ARHGAP21: variants seen among roughly 807,000 people sequenced by gnomAD.
ARHGAP21 encodes Rho GTPase activating protein 21, also known as rho GTPase-activating protein 21.
Under a neutral mutation model 164.6 loss-of-function variants are expected in ARHGAP21, and 38 were observed. That is an observed-to-expected ratio of 0.23 (90% CI 0.18 to 0.30). The LOEUF (loss-of-function observed/expected upper bound fraction) is 0.30. Among genes scored for constraint, ARHGAP21 ranks in the 10% least tolerant of loss-of-function variants. The pLI is 1.00. For synonymous variants in ARHGAP21, 766 were observed against 857.9 expected (o/e 0.89, Z 1.87); for missense variants, 1,822 against 2,370.7 (o/e 0.77, Z 4.81).
intron 2 of ARHGAP21, among the ~76,000 whole-genome samples, chr10:24,696,455 G>GA (rs1172342427): frequency 6.6e-6 from 1 of 152,186 alleles, no homozygotes; most frequent in Non-Finnish European, 1.5e-5. Flanking sequence ...CAATGAGTGG[G>GA]AAAAACCTCA....
intron 4 of ARHGAP21, among the ~76,000 whole-genome samples, chr10:24,658,649 T>G (rs1396870672): frequency 2.0e-5 from 3 of 151,626 alleles, no homozygotes. Context: ...GTACACAGGG[T>G]GGGAAACTTC....
At chr10:24,667,844 T>C (rs894873936) in intron 3 of ARHGAP21, among the ~76,000 whole-genome samples, 5 of 152,084 alleles carry the variant, frequency 3.3e-5, no homozygotes, top group African/African-American at 1.2e-4. Flanking sequence ...GTTATATTAA[T>C]TACACATTTT....
At chr10:24,627,346 G>A (rs1454333831) in intron 7 of ARHGAP21, among the ~76,000 whole-genome samples, 1 of 152,244 alleles carries the variant, frequency 6.6e-6, no homozygotes, top group South Asian at 2.1e-4. Context: ...TTTAAGATCT[G>A]CATAAGTACT....
At chr10:24,674,098 C>T (rs894552058) in intron 2 of ARHGAP21, among the ~76,000 whole-genome samples, 2 of 151,980 alleles carry the variant, frequency 1.3e-5, no homozygotes, top group East Asian at 1.9e-4. Flanking sequence ...CTCTGCTCTT[C>T]GAAAGACACT....
chr10:24,591,233 T>C lies in ARHGAP21; in HGVS notation c.4142A>G (p.Asp1381Gly), dbSNP rs777090942. The change falls in exon 24 of 26, where the codon GAT becomes GGT. Residue 1381 changes from aspartate to glycine, a missense_variant. Around this residue, in one of 5 missense-constraint regions of ARHGAP21, gnomAD observed 333 missense variants for 383.9 expected, o/e 0.87. Coordinates refer to ENST00000396432, the MANE Select transcript of ARHGAP21 (RefSeq NM_020824.4). ...GCCCAGGCAAGAGTTACCTGATACA[T>C]CTCCTGGGGAGACTCCTGTCCTTCC... ...NIGRTGVSPG[D>G]VSDSATSDST... 2 of 1,611,258 alleles carry C rather than the reference T, an allele frequency of 1.2e-6. No individual in the cohort carries two copies. Among genetic ancestry groups the C allele is most frequent in the Non-Finnish European group, 1.7e-6 (2 of 1,179,232 alleles).
intron 9 of ARHGAP21, among the ~76,000 whole-genome samples, chr10:24,617,546 T>C (rs1834075543): frequency 2.0e-5 from 3 of 152,138 alleles, no homozygotes; most frequent in Non-Finnish European, 4.4e-5. Context: ...GGTATAGATA[T>C]GAATATGGGT....
intron 4 of ARHGAP21, among the ~76,000 whole-genome samples, chr10:24,646,332 G>GA (rs201324587): frequency 2.7e-4 from 41 of 150,380 alleles, no homozygotes; most frequent in Admixed American, 9.3e-4. Flanking sequence ...TGGAGCAGCT[G>GA]AAAAAAAAAC....
Position 24,646,180 on chromosome 10 carries a change from A to C in ARHGAP21, c.269-11077T>G, listed in dbSNP as rs190499941. ...TATCTGTTAAACATCAAAAACAGGG[A>C]CTGTAACTATTATAATTAAATCTTT... On this transcript the variant is annotated intron_variant, in intron 4 of 25. Coordinates refer to ENST00000396432, the MANE Select transcript of ARHGAP21 (RefSeq NM_020824.4). 3.4e-3 allele frequency among the ~76,000 whole-genome samples: 512 copies of C among 152,344 alleles called. 3 individuals are homozygous for C. The highest frequency in any genetic ancestry group is 0.027 in the Middle Eastern group (8 of 294).
intron 4 of ARHGAP21, among the ~76,000 whole-genome samples, 195 bp downstream of exon 4, chr10:24,666,790 A>G (rs957397823): frequency 6.6e-6 from 1 of 152,234 alleles, no homozygotes; most frequent in Non-Finnish European, 1.5e-5. Context: ...ACATGTTCAA[A>G]TTAAGATGAG....
intron 2 of ARHGAP21, among the ~76,000 whole-genome samples, chr10:24,683,095 C>CAAAAA (rs200968718): frequency 1.1e-5 from 1 of 88,998 alleles, no homozygotes; most frequent in Non-Finnish European, 2.5e-5. Flanking sequence ...AACTCCATCT[C>CAAAAA]AAAAAAAAAA....
At position 24,619,217 on chromosome 10, in the gene ARHGAP21, T is replaced by C. The variant is rs533982002; in HGVS notation, c.2422+256A>G. Among the ~76,000 whole-genome samples, 7 of 152,168 alleles carry C rather than the reference T, an allele frequency of 4.6e-5. No homozygotes were observed. In the South Asian group the frequency reaches 1.5e-3, roughly 32 times the overall value. ...TCCTTAATCTCAGGAATTTGTTTCATCAAAATAAAAATTTGAAATGGGTAC... is the reference window on the plus strand; with the variant it reads ...TCCTTAATCTCAGGAATTTGTTTCACCAAAATAAAAATTTGAAATGGGTAC... On this transcript the variant is annotated intron_variant, in intron 9 of 25. Coordinates refer to ENST00000396432, the MANE Select transcript of ARHGAP21 (RefSeq NM_020824.4).
intron 4 of ARHGAP21, among the ~76,000 whole-genome samples, chr10:24,645,715 A>G (rs1438984611): frequency 6.6e-6 from 1 of 152,220 alleles, no homozygotes; most frequent in African/African-American, 2.4e-5. Flanking sequence ...CCTGTATTCT[A>G]CATATATTCA....
chr10:24,708,101 C>A (rs1458231291), intron 2 of ARHGAP21, among the ~76,000 whole-genome samples: 1 of 152,206 alleles, frequency 6.6e-6, no homozygotes, highest in African/African-American at 2.4e-5. Context: ...AACAATGCTG[C>A]TGCTGGAAGC....
chr10:24,670,662 T>C (rs767848351), intron 2 of ARHGAP21, among the ~76,000 whole-genome samples: 1 of 152,126 alleles, frequency 6.6e-6, no homozygotes, highest in Non-Finnish European at 1.5e-5. Flanking sequence ...AAAATAGAAA[T>C]ATAATTCCTA....
intron 7 of ARHGAP21, among the ~76,000 whole-genome samples, chr10:24,623,306 A>G (rs1304049316): frequency 6.6e-6 from 1 of 152,246 alleles, no homozygotes; most frequent in African/African-American, 2.4e-5. Context: ...TCAAAAATTA[A>G]GATCTTTCAA....
At chr10:24,712,705 T>C (rs1844954670) in intron 2 of ARHGAP21, among the ~76,000 whole-genome samples, 2 of 152,172 alleles carry the variant, frequency 1.3e-5, no homozygotes, top group Non-Finnish European at 2.9e-5. Context: ...ATACAATCTA[T>C]GGACAAAGAA....
intron 21 of ARHGAP21, 57 bp downstream of exon 21, chr10:24,594,893 A>G (rs917735692): frequency 1.2e-5 from 16 of 1,382,300 alleles, no homozygotes; most frequent in African/African-American, 7.2e-5. Context: ...GTAATGAAGC[A>G]TATCTTTTAA....
At chr10:24,677,094 T>C (rs778457708) in intron 2 of ARHGAP21, among the ~76,000 whole-genome samples, 2 of 151,972 alleles carry the variant, frequency 1.3e-5, no homozygotes, top group Non-Finnish European at 2.9e-5. Context: ...GTGGTGGGCA[T>C]CTGTAATCCC....
chr10:24,719,129 A>C (rs574272061), intron 2 of ARHGAP21, among the ~76,000 whole-genome samples: 41 of 146,920 alleles, frequency 2.8e-4, no homozygotes, highest in East Asian at 1.4e-3. Context: ...ACACACACAC[A>C]CCCCAAAAAT....
Sources: allele counts gnomAD v4.1 joint callset (sites outside exome capture counted in the v4.1 genomes callset), GRCh38; gene constraint gnomAD v4.1.1; regional missense constraint gnomAD v4.1.1; transcripts MANE v1.5; gene names NCBI Gene and HGNC (gene_info 2026-07-23, HGNC 2026-07-21).